SEMA7A: variants seen among roughly 807,000 people sequenced by gnomAD.
SEMA7A encodes semaphorin-7A.
Under a neutral mutation model 67.5 loss-of-function variants are expected in SEMA7A, and 21 were observed. That is an observed-to-expected ratio of 0.31 (90% confidence interval 0.22 to 0.45). The LOEUF (loss-of-function observed/expected upper bound fraction) is 0.45, where lower values mean the gene tolerates loss of function less well. Ranked by LOEUF, SEMA7A falls within the 20% of genes least tolerant of loss-of-function variation. SEMA7A has a pLI of 1.00. For synonymous variants in SEMA7A, 364 were observed against 368.5 expected (o/e 0.99, Z 0.14); for missense variants, 774 against 908.6 (o/e 0.85, Z 1.90).
At chr15:74,412,460 C>G (rs555623112) in intron 10 of SEMA7A, among the ~76,000 whole-genome samples, 1 of 152,202 alleles carries the variant, frequency 6.6e-6, no homozygotes, top group Non-Finnish European at 1.5e-5. Context: ...CAGCAGAGAC[C>G]GAGTTGGAAC....
intron 1 of SEMA7A, among the ~76,000 whole-genome samples, chr15:74,420,166 T>C (rs1051262048): frequency 2.6e-5 from 4 of 152,202 alleles, no homozygotes; most frequent in African/African-American, 4.8e-5. Flanking sequence ...CTTATTCCCA[T>C]TGGAGCCATC....
At chr15:74,412,113 A>C (rs573663317) in intron 10 of SEMA7A, 101 bp from the exon 11 acceptor site, 1 of 1,431,634 alleles carries the variant, frequency 7.0e-7, no homozygotes, top group East Asian at 2.3e-5. Context: ...AACTCAGGCA[A>C]GGGTCACAGG....
rs741761 is a variant in SEMA7A at position 74,411,588 on chromosome 15, T to A, written c.1545A>T (p.Gln515His). The A allele has an allele frequency of 1.1e-4, 169 of 1,588,376 alleles. No individual in the cohort carries two copies. In the African/African-American group the frequency reaches 2.2e-3, roughly 21 times the overall value. The change falls in exon 12 of 14, where the codon CAA (glutamine) becomes CAT (histidine). Residue 515 changes from glutamine (Q) to histidine (H), a missense_variant. Around this residue, in one of 2 missense-constraint regions of SEMA7A, gnomAD observed 427 missense variants for 555.4 expected, o/e 0.77. Transcript: ENST00000261918. The surrounding 1 kb of genome is among the most constrained non-coding windows in gnomAD (Gnocchi z 4.4). The part of the protein sequence containing the change: ...MSRDPYCGWD[Q>H]GRCISIYSSE... ...AGCTGTAGATGGAGATGCAGCGGCC[T>A]TGGTCCCAGCCGCAGTAGGGGTCTC...
chr15:74,418,295 G>A lies in SEMA7A; in HGVS notation c.345C>T (p.Ser115=), dbSNP rs1462516973. ...NASVRTVNIG[S]TKGSCLDKRD... Reference sequence around the variant, plus strand: ...GCTTATCCAGACAGGACCCCTTTGTGGAGCCGATATTCACCTGGGGGAAGG... The same window carrying A: ...GCTTATCCAGACAGGACCCCTTTGTAGAGCCGATATTCACCTGGGGGAAGG... The change falls in exon 3 of 14, where the codon TCC becomes TCT. Residue 115 remains serine, a synonymous_variant. Coordinates refer to ENST00000261918, the MANE Select transcript of SEMA7A (RefSeq NM_003612.5). 1 of 1,611,722 alleles carries A rather than the reference G, an allele frequency of 6.2e-7. No homozygotes were observed. The highest frequency in any genetic ancestry group is 1.1e-5 in the South Asian group (1 of 90,646).
chr15:74,415,047 A>C, intron 8 of SEMA7A, 101 bp from the exon 9 acceptor site: 1 of 893,868 alleles, frequency 1.1e-6, no homozygotes, highest in Non-Finnish European at 1.8e-6. Context: ...GTTGCCAACC[A>C]CCACTGAAAA....
intron 1 of SEMA7A, among the ~76,000 whole-genome samples, chr15:74,421,947 G>A (rs1417097337): frequency 6.6e-6 from 1 of 152,194 alleles, no homozygotes; most frequent in Non-Finnish European, 1.5e-5. Flanking sequence ...GAACCCAAAC[G>A]GAGAGGTGAG....
At position 74,411,100 on chromosome 15, in the gene SEMA7A, C is replaced by T. The variant is rs552415878; in HGVS notation, c.1640-115G>A. 7 of 1,471,170 alleles carry T rather than the reference C, an allele frequency of 4.8e-6. No homozygotes were observed. In the Admixed American group the frequency reaches 1.1e-4, roughly 23 times the overall value. 91.1% of individuals were successfully genotyped at this position (1,471,170 alleles called of 1,614,324 possible). A position where few individuals can be genotyped will look rare whatever the true frequency, so the allele number is the denominator to read the frequency against. ...AAGGCTTCTGAATGAACGTGGGGAA[C>T]CCAGCCCTCAGCGTCCTCCTTTTTT... On this transcript the variant is annotated intron_variant, in intron 13 of 13. Transcript: ENST00000261918. This position sits in a 1 kb window ranked among gnomAD's most constrained non-coding sequence, Gnocchi z 4.4.
chr15:74,427,045 C>T (rs2061049546), intron 1 of SEMA7A: 1 of 202,640 alleles, frequency 4.9e-6, no homozygotes, highest in Non-Finnish European at 8.8e-6. Context: ...GATTGACCTT[C>T]CTCCTTTTCT....
chr15:74,412,128 G>A (rs1354356008), intron 10 of SEMA7A, 116 bp from the exon 11 acceptor site: 3 of 1,281,460 alleles, frequency 2.3e-6, no homozygotes, highest in Admixed American at 2.0e-5. Flanking sequence ...CACAGGACTG[G>A]TGTGGGCAGG....
rs1299515705 is a variant in SEMA7A, at chr15:74,410,014, TA to T, written c.*609del. 1 of 137,852 alleles carries T rather than the reference TA, an allele frequency of 7.3e-6. No individual in the cohort carries two copies. Among genetic ancestry groups the T allele is most frequent in the Non-Finnish European group, 1.5e-5 (1 of 66,316 alleles). The allele number at this position is 137,852 out of a possible 1,614,324, so 8.5% of individuals were successfully genotyped here. On this transcript the variant is annotated 3_prime_UTR_variant, in exon 14 of 14. Coordinates refer to ENST00000261918, the MANE Select transcript of SEMA7A (RefSeq NM_003612.5). The surrounding 1 kb of genome is among the most constrained non-coding windows in gnomAD (Gnocchi z 7.5). ...GAAGTAGCTATACATGAAATAAGCC[TA>T]ACATAAAAATAGAGCTTTTTCCGTC...
intron 1 of SEMA7A, among the ~76,000 whole-genome samples, chr15:74,426,829 C>T (rs2061047666): frequency 6.6e-6 from 1 of 152,154 alleles, no homozygotes; most frequent in Non-Finnish European, 1.5e-5. Flanking sequence ...GCAGAGTGTG[C>T]TCACCAGCCA....
chr15:74,433,845 A>C lies in SEMA7A; in HGVS notation c.74T>G (p.Leu25Trp). The C allele has an allele frequency of 1.5e-6, 2 of 1,327,802 alleles. No individual in the cohort carries two copies. Among genetic ancestry groups the C allele is most frequent in the Non-Finnish European group, 1.9e-6 (2 of 1,046,196 alleles). The allele number at this position is 1,327,802 out of a possible 1,614,324, so 82.3% of individuals were successfully genotyped here. A position where few individuals can be genotyped will look rare whatever the true frequency, so the allele number is the denominator to read the frequency against. Reference protein sequence around the residue: ...RARVPGPPARLGLPLRLRLLL... With the variant: ...RARVPGPPARWGLPLRLRLLL... ...CAGCCGCAGCCGCAGCGGAAGCCCC[A>C]ACCGAGCCGGCGGGCCAGGGACGCG... The change falls in exon 1 of 14, where the codon TTG (leucine) becomes TGG (tryptophan). Residue 25 changes from leucine to tryptophan, a missense_variant. Physicochemically the swap from Leu to Trp is moderately conservative, Grantham distance 61. This residue lies in a region of SEMA7A where 347 missense variants were observed against 353.2 expected (regional missense o/e 0.98). Transcript: ENST00000261918.
In SEMA7A at chr15:74,433,860, C is replaced by A. The variant is rs1372439443; in HGVS notation, c.59G>T (p.Gly20Val). ...APSAPRARVP[G>V]PPARLGLPLR... is the part of the protein sequence containing the mutation. The stretch of plus-strand genomic sequence containing the variant: ...CGGAAGCCCCAACCGAGCCGGCGGG[C>A]CAGGGACGCGGGCGCGCGGTGCGCT... Residue 20 changes from glycine (G) to valine (V), a missense_variant, in exon 1 of 14, where the codon GGC becomes GTC. Transcript: ENST00000261918. 5 of 1,288,612 alleles carry A rather than the reference C, an allele frequency of 3.9e-6. No homozygotes were observed. In the African/African-American group the frequency reaches 6.2e-5, roughly 16 times the overall value. 79.8% of individuals were successfully genotyped at this position (1,288,612 alleles called of 1,614,324 possible).
At chr15:74,425,238 G>A (rs1344990975) in intron 1 of SEMA7A, among the ~76,000 whole-genome samples, 2 of 152,196 alleles carry the variant, frequency 1.3e-5, no homozygotes, top group Non-Finnish European at 2.9e-5. Flanking sequence ...CATTTACTAC[G>A]TGCCAAACAC....
chr15:74,411,920 C>A lies in SEMA7A; in HGVS notation c.1387G>T (p.Ala463Ser), dbSNP rs1157538785. ...IMEIQPFRRA[A>S]AIQTMSLDAE... ...TCCAGCGACATGGTCTGGATGGCAG[C>A]CGCGCGGCGGAAGGGCTGGATCTCC... The change falls in exon 11 of 14, where the codon GCT becomes TCT. Residue 463 changes from alanine to serine, a missense_variant. Around this residue, in one of 2 missense-constraint regions of SEMA7A, gnomAD observed 427 missense variants for 555.4 expected, o/e 0.77. Transcript: ENST00000261918. The surrounding 1 kb of genome is among the most constrained non-coding windows in gnomAD (Gnocchi z 4.4). 3 of 1,613,926 alleles carry A rather than the reference C, an allele frequency of 1.9e-6. No homozygotes were observed. The highest frequency in any genetic ancestry group is 4.5e-5 in the East Asian group (2 of 44,900).
intron 1 of SEMA7A, among the ~76,000 whole-genome samples, chr15:74,420,072 G>A (rs1773694101): frequency 6.6e-6 from 1 of 152,294 alleles, no homozygotes; most frequent in Non-Finnish European, 1.5e-5. Flanking sequence ...AGGAAACTCT[G>A]GGGCAGCCAG....
rs147784978 is a variant in SEMA7A, at chr15:74,413,914, C to T, written c.1294+633G>A. 6.5e-3 allele frequency among the ~76,000 whole-genome samples: 985 copies of T among 152,268 alleles called. 5 individuals are homozygous for T. Among genetic ancestry groups the T allele is most frequent in the African/African-American group, 0.017 (727 of 41,546 alleles). The stretch of plus-strand genomic sequence containing the variant: ...CTGGCATGGGAAGCTGCGACAAACC[C>T]AACTCAGGACTGGCTCCTCCGTGTC... On this transcript the variant is annotated intron_variant, in intron 10 of 13. Transcript: ENST00000261918.
intron 2 of SEMA7A, 79 bp downstream of exon 2, chr15:74,418,722 G>T: frequency 1.3e-6 from 2 of 1,507,616 alleles, no homozygotes; most frequent in South Asian, 1.2e-5. Context: ...CAGCTCCCTC[G>T]GATTCCCTGA....
chr15:74,418,357 C>T (rs373368421), intron 2 of SEMA7A, 48 bp from the exon 3 acceptor site: 49 of 1,586,374 alleles, frequency 3.1e-5, no homozygotes, highest in South Asian at 3.3e-5. Context: ...GGGTGAGGTA[C>T]CCCTGAAATG....
Sources: allele counts gnomAD v4.1 joint callset (sites outside exome capture counted in the v4.1 genomes callset), GRCh38; gene constraint gnomAD v4.1.1; regional missense constraint gnomAD v4.1.1; non-coding constraint Gnocchi (gnomAD v3.1); transcripts MANE v1.5; gene names NCBI Gene and HGNC (gene_info 2026-07-23, HGNC 2026-07-21).